ARFGEF1: variants seen among roughly 807,000 people sequenced by gnomAD.
ARFGEF1 encodes the protein brefeldin A-inhibited guanine nucleotide-exchange protein 1.
ARFGEF1 carries 42 observed loss-of-function variants against 231.0 expected under a neutral mutation model. The ratio of observed to expected loss-of-function variants is 0.18; its 90% CI spans 0.14 to 0.24. ARFGEF1 has a LOEUF of 0.24. Ranked by LOEUF, ARFGEF1 falls within the 10% of genes least tolerant of loss-of-function variation. The probability of loss-of-function intolerance (pLI) is 1.00; values close to 1 mark genes in which losing one functional copy is unlikely to be tolerated. For missense variants in ARFGEF1, 1,345 were observed against 2,192.0 expected (o/e 0.61, Z 7.72); for synonymous variants, 710 against 732.3 (o/e 0.97, Z 0.49).
In ARFGEF1 at chr8:67,182,961, C is replaced by A. The variant is rs148910111; in HGVS notation, c.561-7389G>T. Among the ~76,000 whole-genome samples the A allele has an allele frequency of 5.3e-3, 810 of 152,270 alleles. 3 individuals carry two copies. The highest frequency in any genetic ancestry group is 9.3e-3 in the Non-Finnish European group (631 of 68,004). Reference sequence around the variant, plus strand: ...ACTGTGTTGATTGTGTCCTTTGATACATAGGAGCTTTTAATTTTGATACAG... The same window carrying A: ...ACTGTGTTGATTGTGTCCTTTGATAAATAGGAGCTTTTAATTTTGATACAG... On this transcript the variant is annotated intron_variant, in intron 5 of 5. Transcript: ENST00000518789.
intron 7 of ARFGEF1, among the ~76,000 whole-genome samples, chr8:67,279,691 C>A (rs971624804): frequency 1.3e-5 from 2 of 152,154 alleles, no homozygotes; most frequent in Non-Finnish European, 2.9e-5. Flanking sequence ...GGCTTGAAAT[C>A]TTCACTTTAT....
chr8:67,209,365 T>C (rs1047733559), intron 34 of ARFGEF1, among the ~76,000 whole-genome samples: 3 of 152,230 alleles, frequency 2.0e-5, no homozygotes, highest in African/African-American at 7.2e-5. Flanking sequence ...ATATGAAATA[T>C]GCAGAATAGG....
downstream of ARFGEF1, chr8:67,193,625 C>T: frequency 6.3e-7 from 1 of 1,599,712 alleles, no homozygotes; most frequent in Non-Finnish European, 8.6e-7. Context: ...GTGTAATGGC[C>T]TATAGTAGAA....
intron 31 of ARFGEF1, 39 bp downstream of exon 31, chr8:67,217,964 C>T: frequency 1.2e-6 from 2 of 1,612,196 alleles, no homozygotes; most frequent in African/African-American, 2.7e-5. Flanking sequence ...ACCAGGGTCA[C>T]ATTTAACACT....
chr8:67,312,233 TAAA>T (rs796810454), intron 1 of ARFGEF1, among the ~76,000 whole-genome samples: 1 of 86,154 alleles, frequency 1.2e-5, no homozygotes, highest in Non-Finnish European at 2.6e-5. Flanking sequence ...GAATTATCAA[TAAA>T]AAAAAAATTA....
chr8:67,216,566 T>C (rs745757090), intron 33 of ARFGEF1, 24 bp downstream of exon 33: 4 of 1,572,510 alleles, frequency 2.5e-6, no homozygotes, highest in South Asian at 2.4e-5. Flanking sequence ...CTAATTTCAA[T>C]ATACTTTACT....
At chr8:67,321,392 T>A (rs1245935218) in intron 1 of ARFGEF1, among the ~76,000 whole-genome samples, 1 of 152,228 alleles carries the variant, frequency 6.6e-6, no homozygotes. Context: ...GTTGTATTTT[T>A]AAGAAGCTCC....
chr8:67,201,970 T>C (rs1426327284), intron 36 of ARFGEF1: 2 of 255,426 alleles, frequency 7.8e-6, no homozygotes, highest in East Asian at 1.7e-4. Context: ...ATGGGTCCGG[T>C]GTGTGTGGAC....
At chr8:67,189,478 A>C (rs1835593686) in intron 5 of ARFGEF1, among the ~76,000 whole-genome samples, 1 of 152,204 alleles carries the variant, frequency 6.6e-6, no homozygotes, top group Non-Finnish European at 1.5e-5. Context: ...AAGGACCCAA[A>C]ACTTATTTTA....
intron 1 of ARFGEF1, among the ~76,000 whole-genome samples, chr8:67,327,911 A>C (rs1807912866): frequency 6.6e-6 from 1 of 152,136 alleles, no homozygotes; most frequent in South Asian, 2.1e-4. Flanking sequence ...ATTGTTGACT[A>C]CTTGAGTTAT....
intron 6 of ARFGEF1, among the ~76,000 whole-genome samples, chr8:67,289,645 T>C (rs1007720230): frequency 1.3e-5 from 2 of 151,728 alleles, no homozygotes; most frequent in African/African-American, 4.8e-5. Flanking sequence ...TCCCTATAAT[T>C]TCACTTTTAC....
chr8:67,223,513 G>A (rs1467518169), intron 29 of ARFGEF1, among the ~76,000 whole-genome samples: 1 of 152,128 alleles, frequency 6.6e-6, no homozygotes, highest in Non-Finnish European at 1.5e-5. Context: ...AAGCTAAATA[G>A]CAACCCATAC....
chr8:67,195,442 C>A, downstream of ARFGEF1: 1 of 1,614,198 alleles, frequency 6.2e-7, no homozygotes, highest in Non-Finnish European at 8.5e-7. Flanking sequence ...GATGACGGAT[C>A]AAACTCTGTA....
At chr8:67,177,823 G>T in intron 5 of ARFGEF1, 1 of 856,726 alleles carries the variant, frequency 1.2e-6, no homozygotes, top group South Asian at 1.4e-5. Flanking sequence ...AATTATTCAG[G>T]AATATTGAAT....
intron 1 of ARFGEF1, among the ~76,000 whole-genome samples, chr8:67,318,049 A>G (rs1807405885): frequency 6.6e-6 from 1 of 151,844 alleles, no homozygotes; most frequent in South Asian, 2.1e-4. Context: ...CATCCTGGCT[A>G]ACACGGTGAA....
At chr8:67,210,154 CAAAAAAA>C (rs59530693) in intron 34 of ARFGEF1, among the ~76,000 whole-genome samples, 1 of 53,874 alleles carries the variant, frequency 1.9e-5, no homozygotes, top group South Asian at 6.6e-4. Flanking sequence ...GACTCCGTCT[CAAAAAAA>C]AAAAAAAAAA....
chr8:67,264,954 G>A (rs1804790188), intron 14 of ARFGEF1, among the ~76,000 whole-genome samples: 2 of 152,138 alleles, frequency 1.3e-5, no homozygotes, highest in African/African-American at 4.8e-5. Flanking sequence ...ATAGTCCCAA[G>A]TACCAAATAT....
chr8:67,292,448 A>G (rs1806050843), intron 5 of ARFGEF1, among the ~76,000 whole-genome samples: 1 of 152,130 alleles, frequency 6.6e-6, no homozygotes, highest in South Asian at 2.1e-4. Context: ...AAAATACATA[A>G]GAAGCTAGTA....
chr8:67,258,209 A>C lies in ARFGEF1; in HGVS notation c.2317T>G (p.Ser773Ala), dbSNP rs373557895. The change falls in exon 16 of 39, where the codon TCA becomes GCA. Residue 773 changes from serine to alanine, a missense_variant. Ser to Ala is a moderately conservative substitution (Grantham distance 99). Around this residue, in one of 14 missense-constraint regions of ARFGEF1, gnomAD observed 105 missense variants for 159.3 expected, o/e 0.66. Coordinates refer to ENST00000262215, the MANE Select transcript of ARFGEF1 (RefSeq NM_006421.5). ...AGGGCTGAAACGAAGTCTTTTCCTGAAAAGTCATGTTGGTCCACATATGCA... is the reference window on the plus strand; with the variant it reads ...AGGGCTGAAACGAAGTCTTTTCCTGCAAAGTCATGTTGGTCCACATATGCA... ...MYAYVDQHDFSGKDFVSALRM... is the reference protein window; with the variant it reads ...MYAYVDQHDFAGKDFVSALRM... 24 of 1,612,164 alleles carry C rather than the reference A, an allele frequency of 1.5e-5. No homozygotes were observed. The highest frequency in any genetic ancestry group is 2.0e-5 in the Non-Finnish European group (23 of 1,178,432).
Sources: allele counts gnomAD v4.1 joint callset (sites outside exome capture counted in the v4.1 genomes callset), GRCh38; gene constraint gnomAD v4.1.1; regional missense constraint gnomAD v4.1.1; transcripts MANE v1.5; gene names NCBI Gene and HGNC (gene_info 2026-07-23, HGNC 2026-07-21).